The following VWCE variants were observed in gnomAD, a reference collection of about 807,000 sequenced individuals.
The protein encoded by VWCE is von Willebrand factor C and EGF domain-containing protein.
VWCE carries 68 observed loss-of-function variants against 102.9 expected under a neutral mutation model. The ratio of observed to expected loss-of-function variants is 0.66; its 90% CI spans 0.54 to 0.81. The LOEUF (loss-of-function observed/expected upper bound fraction) is 0.81, where lower values mean the gene tolerates loss of function less well. VWCE is among the 30% of genes least tolerant of loss of function. The probability of loss-of-function intolerance (pLI) is 0.00; values close to 1 mark genes in which losing one functional copy is unlikely to be tolerated. For synonymous variants in VWCE, 497 were observed against 515.4 expected (o/e 0.96, Z 0.48); for missense variants, 1,137 against 1,263.6 (o/e 0.90, Z 1.52).
chr11:61,288,606 T>G (rs1855405056), intron 4 of VWCE, among the ~76,000 whole-genome samples: 1 of 152,224 alleles, frequency 6.6e-6, no homozygotes, highest in South Asian at 2.1e-4. Context: ...TTTGACATTG[T>G]TCTCTGGCTT....
Position 61,294,002 on chromosome 11 carries a change from G to A in VWCE, c.110+926C>T, listed in dbSNP as rs965608208. 6.6e-6 allele frequency among the ~76,000 whole-genome samples: 1 copy of A among 152,150 alleles called. No individual in the cohort carries two copies. The highest frequency in any genetic ancestry group is 1.5e-5 in the Non-Finnish European group (1 of 68,024). ...GACCGGGCGAATGAGCGGAGCCTTGGGACTCTCAGAAACGGACAGGCAGTG... is the reference window on the plus strand; with the variant it reads ...GACCGGGCGAATGAGCGGAGCCTTGAGACTCTCAGAAACGGACAGGCAGTG... On this transcript the variant is annotated intron_variant, in intron 1 of 19. Transcript: ENST00000335613. This position sits in a 1 kb window ranked among gnomAD's most constrained non-coding sequence, Gnocchi z 6.3.
At chr11:61,274,353 G>GA in intron 12 of VWCE, 146 bp downstream of exon 12, 1 of 660,732 alleles carries the variant, frequency 1.5e-6, no homozygotes, top group Non-Finnish European at 2.6e-6. Flanking sequence ...AGACCTGGGG[G>GA]ATCCCTGTAG....
At chr11:61,291,653 T>A (rs1855506315) in intron 1 of VWCE, 77 bp from the exon 2 acceptor site, 1 of 1,200,808 alleles carries the variant, frequency 8.3e-7, no homozygotes, top group Non-Finnish European at 1.1e-6. Context: ...TCCCAGCCAG[T>A]GTGTAAGTGA....
In VWCE at chr11:61,281,091, G is replaced by T. The variant is rs762379948; in HGVS notation, c.932C>A (p.Ala311Asp). The change falls in exon 8 of 20, where the codon GCC becomes GAC. Residue 311 changes from alanine (A) to aspartate (D), a missense_variant. Ala to Asp is a moderately radical substitution (Grantham distance 126, BLOSUM62 -2). Coordinates refer to ENST00000335613, the MANE Select transcript of VWCE (RefSeq NM_152718.2). ...SPPSGAPGPP[A>D]GVRTTRLPSP... ...TGGCAGGCGGGTGGTCCTGACTCCG[G>T]CTGGGGGCCCTGGAGCCCCAGAAGG... The T allele has an allele frequency of 1.9e-6, 3 of 1,609,768 alleles. No homozygotes were observed. The highest frequency in any genetic ancestry group is 4.5e-5 in the East Asian group (2 of 44,838).
At chr11:61,260,063 T>C (rs1233884291) in intron 19 of VWCE, among the ~76,000 whole-genome samples, 1 of 152,190 alleles carries the variant, frequency 6.6e-6, no homozygotes, top group African/African-American at 2.4e-5. Context: ...AAAACCAGCC[T>C]GGTCAACATG....
chr11:61,280,963 G>A lies in VWCE; in HGVS notation c.1060C>T (p.Leu354Phe), dbSNP rs531301374. 524 of 1,535,120 alleles carry A rather than the reference G, an allele frequency of 3.4e-4. No individual in the cohort carries two copies. The highest frequency in any genetic ancestry group is 4.2e-4 in the Non-Finnish European group (477 of 1,143,028). ...PVPTASLLGN[L>F]RPPSLLQGEV... ...CCCTGAAGGAGTGAGGGGGGTCTGA[G>A]GTTCCCCAGCAGGGAGGCAGTAGGC... The change falls in exon 8 of 20, where the codon CTC (leucine) becomes TTC (phenylalanine). Residue 354 changes from leucine to phenylalanine, a missense_variant. By Grantham distance (22) the Leu-to-Phe change is conservative. Around this residue, in one of 5 missense-constraint regions of VWCE, gnomAD observed 575 missense variants for 625.9 expected, o/e 0.92. Coordinates refer to ENST00000335613, the MANE Select transcript of VWCE (RefSeq NM_152718.2).
Position 61,265,024 on chromosome 11 carries a change from C to T in VWCE, c.2071G>A (p.Gly691Arg). 1 of 1,614,150 alleles carries T rather than the reference C, an allele frequency of 6.2e-7. No individual in the cohort carries two copies. Among genetic ancestry groups the T allele is most frequent in the South Asian group, 1.1e-5 (1 of 91,076 alleles). ...CPVCRDCNYE[G>R]RKVANGQVFT... ...ACCTGGCCATTCGCCACCTTCCTTC[C>T]CTCGTAGTTGCAGTCTGTGGAGGAA... The change falls in exon 18 of 20, where the codon GGA (glycine) becomes AGA (arginine). Residue 691 changes from glycine to arginine, a missense_variant. Coordinates refer to ENST00000335613, the MANE Select transcript of VWCE (RefSeq NM_152718.2).
At chr11:61,261,943 G>A (rs2134729297) in intron 19 of VWCE, among the ~76,000 whole-genome samples, 2 of 152,218 alleles carry the variant, frequency 1.3e-5, no homozygotes, top group Middle Eastern at 3.4e-3. Flanking sequence ...CTGGGCTCTG[G>A]AGGTTACCTC....
chr11:61,293,358 A>G (rs1565233527), intron 1 of VWCE, among the ~76,000 whole-genome samples: 1 of 147,592 alleles, frequency 6.8e-6, no homozygotes, highest in Admixed American at 6.8e-5. Context: ...CAGAGGCTGC[A>G]GTGAGCCGAG....
Position 61,294,358 on chromosome 11 carries a change from C to A in VWCE, c.110+570G>T, listed in dbSNP as rs1855607749. On this transcript the variant is annotated intron_variant, in intron 1 of 19. Transcript: ENST00000335613. This position sits in a 1 kb window ranked among gnomAD's most constrained non-coding sequence, Gnocchi z 6.3. Reference sequence around the variant, plus strand: ...CACGCACACACGCGCACGGCCCCACCGCGGCCCGGGGGAAAGCACGTGCGG... The same window carrying A: ...CACGCACACACGCGCACGGCCCCACAGCGGCCCGGGGGAAAGCACGTGCGG... Among the ~76,000 whole-genome samples the A allele has an allele frequency of 6.6e-6, 1 of 152,216 alleles. No individual in the cohort carries two copies.
intron 1 of VWCE, among the ~76,000 whole-genome samples, chr11:61,292,686 C>T (rs1855542122): frequency 6.6e-6 from 1 of 152,080 alleles, no homozygotes; most frequent in Non-Finnish European, 1.5e-5. Flanking sequence ...TAAGGCGTGA[C>T]CATACAGCCA....
intron 16 of VWCE, 92 bp from the exon 17 acceptor site, chr11:61,265,304 A>G: frequency 8.7e-7 from 1 of 1,149,490 alleles, no homozygotes; most frequent in Non-Finnish European, 1.2e-6. Context: ...CTGAGTGTCC[A>G]TCAGAACAAT....
chr11:61,267,579 G>C (rs746704840), intron 15 of VWCE, 35 bp from the exon 16 acceptor site: 2 of 1,607,432 alleles, frequency 1.2e-6, no homozygotes, highest in Admixed American at 3.3e-5. Context: ...CACCAGCTGG[G>C]AGTGGCCAGG....
chr11:61,264,427 G>C, intron 19 of VWCE, 60 bp downstream of exon 19: 1 of 1,520,906 alleles, frequency 6.6e-7, no homozygotes. Context: ...ATGTACCGGG[G>C]AAGAAAAGTA....
chr11:61,282,303 A>G (rs543759064), intron 6 of VWCE, among the ~76,000 whole-genome samples: 3 of 152,196 alleles, frequency 2.0e-5, no homozygotes, highest in Non-Finnish European at 4.4e-5. Context: ...CGGGACAAAT[A>G]CCTAACTCCG....
chr11:61,292,984 G>A (rs1284608453), intron 1 of VWCE, among the ~76,000 whole-genome samples: 1 of 151,866 alleles, frequency 6.6e-6, no homozygotes, highest in Non-Finnish European at 1.5e-5. Context: ...GCTCACGCTT[G>A]TAATCCCAGC....
rs1855635399 is a variant in VWCE at position 61,295,112 on chromosome 11, G to C, written c.-75C>G. On this transcript the variant is annotated 5_prime_UTR_variant, in exon 1 of 20. Coordinates refer to ENST00000335613, the MANE Select transcript of VWCE (RefSeq NM_152718.2). This position sits in a 1 kb window ranked among gnomAD's most constrained non-coding sequence, Gnocchi z 4.6. Reference sequence around the variant, plus strand: ...GCGGGAGAGGGGGCTGCCGGCCCTCGCCCCTCCTCCTGGCGCCGTGGGGAG... The same window carrying C: ...GCGGGAGAGGGGGCTGCCGGCCCTCCCCCCTCCTCCTGGCGCCGTGGGGAG... 7.4e-6 allele frequency: 7 copies of C among 949,256 alleles called. No individual in the cohort carries two copies. In the South Asian group the frequency reaches 2.4e-4, roughly 33 times the overall value. The allele number at this position is 949,256 out of a possible 1,614,324, so 58.8% of individuals were successfully genotyped here.
At chr11:61,260,074 G>C (rs1223336007) in intron 19 of VWCE, among the ~76,000 whole-genome samples, 1 of 152,186 alleles carries the variant, frequency 6.6e-6, no homozygotes, top group Non-Finnish European at 1.5e-5. Context: ...GGTCAACATG[G>C]TGAAACCCCA....
chr11:61,281,702 G>A (rs1855141587), intron 7 of VWCE, 84 bp downstream of exon 7: 1 of 1,478,986 alleles, frequency 6.8e-7, no homozygotes, highest in Non-Finnish European at 9.0e-7. Flanking sequence ...GTGACGGGGA[G>A]GGGCCAGGCT....
Sources: allele counts gnomAD v4.1 joint callset (sites outside exome capture counted in the v4.1 genomes callset), GRCh38; gene constraint gnomAD v4.1.1; regional missense constraint gnomAD v4.1.1; non-coding constraint Gnocchi (gnomAD v3.1); transcripts MANE v1.5; gene names NCBI Gene and HGNC (gene_info 2026-07-23, HGNC 2026-07-21).